The following WFDC8 variants were observed in gnomAD, a reference collection of about 807,000 sequenced individuals.
The protein encoded by WFDC8 is WAP four-disulfide core domain 8.
A neutral mutation model predicts 27.0 loss-of-function variants in WFDC8; 24 were observed. The ratio of observed to expected loss-of-function variants is 0.89; its 90% CI spans 0.64 to 1.25. WFDC8 has a LOEUF of 1.25. WFDC8 is among the 50% of genes most tolerant of loss of function. The pLI is 0.00. For synonymous variants in WFDC8, 106 were observed against 99.7 expected (o/e 1.06, Z -0.38); for missense variants, 287 against 295.9 (o/e 0.97, Z 0.22).
chr20:45,564,969 GAAAGAC>G (rs1346807828), intron 1 of WFDC8, among the ~76,000 whole-genome samples: 1 of 144,010 alleles, frequency 6.9e-6, no homozygotes, highest in Non-Finnish European at 1.5e-5. Flanking sequence ...AGGAAGGAAA[GAAAGAC>G]AAAGAAGGAA....
intron 1 of WFDC8, among the ~76,000 whole-genome samples, chr20:45,570,400 A>C (rs1000431424): frequency 6.6e-6 from 1 of 152,076 alleles, no homozygotes; most frequent in African/African-American, 2.4e-5. Context: ...TACCCCAGTG[A>C]TTATATATAT....
intron 1 of WFDC8, among the ~76,000 whole-genome samples, chr20:45,571,112 A>G (rs535647882): frequency 6.6e-6 from 1 of 152,190 alleles, no homozygotes; most frequent in South Asian, 2.1e-4. Flanking sequence ...TCCATACTTT[A>G]TTGTCCTTAA....
intron 1 of WFDC8, among the ~76,000 whole-genome samples, chr20:45,572,699 C>G (rs1271543987): frequency 1.3e-5 from 2 of 152,136 alleles, no homozygotes; most frequent in African/African-American, 2.4e-5. Context: ...CTTCGCCTCC[C>G]AAGTTCAAGC....
intron 1 of WFDC8, among the ~76,000 whole-genome samples, chr20:45,577,017 A>G (rs1981067988): frequency 6.6e-6 from 1 of 151,388 alleles, no homozygotes; most frequent in South Asian, 2.1e-4. Context: ...CCAAAAATCA[A>G]TACTCATGAT....
At chr20:45,566,121 G>T (rs4812913) in intron 1 of WFDC8, among the ~76,000 whole-genome samples, 1 of 151,652 alleles carries the variant, frequency 6.6e-6, no homozygotes, top group Admixed American at 6.6e-5. Context: ...ATTATTAATC[G>T]TTTGGTAGAT....
intron 1 of WFDC8, among the ~76,000 whole-genome samples, chr20:45,564,542 C>T (rs1349744652): frequency 3.9e-5 from 6 of 151,986 alleles, no homozygotes; most frequent in East Asian, 3.9e-4. Flanking sequence ...GGCGTGGTGG[C>T]GGGTGCCTGT....
chr20:45,562,915 T>C (rs1442399982), intron 1 of WFDC8, among the ~76,000 whole-genome samples: 1 of 152,188 alleles, frequency 6.6e-6, no homozygotes, highest in East Asian at 1.9e-4. Context: ...TTAGAGTGCA[T>C]GCATTTCAAA....
intron 1 of WFDC8, chr20:45,568,146 C>T: frequency 2.9e-6 from 1 of 350,118 alleles, no homozygotes. Flanking sequence ...TTCCACTACC[C>T]AATTTCCAAC....
intron 1 of WFDC8, among the ~76,000 whole-genome samples, chr20:45,566,990 G>T (rs370902831): frequency 2.3e-4 from 35 of 152,236 alleles, no homozygotes; most frequent in African/African-American, 8.2e-4. Context: ...TAAATGCTAT[G>T]CAAGTAGTTG....
intron 1 of WFDC8, chr20:45,568,473 T>C (rs890633313): frequency 1.9e-5 from 6 of 308,926 alleles, no homozygotes; most frequent in African/African-American, 1.1e-4. Flanking sequence ...CTGTTTCATA[T>C]GGCCTTCAGC....
chr20:45,568,280 G>A (rs528645831), intron 1 of WFDC8: 1 of 235,836 alleles, frequency 4.2e-6, no homozygotes, highest in Non-Finnish European at 8.7e-6. Context: ...CATAGCCTAA[G>A]CCTGTCATAG....
chr20:45,555,112 G>T (rs977197914), intron 4 of WFDC8, among the ~76,000 whole-genome samples: 29 of 152,192 alleles, frequency 1.9e-4, no homozygotes, highest in African/African-American at 5.5e-4. Context: ...ACAGAAGAGG[G>T]AACTGAAATT....
chr20:45,555,381 G>C (rs1034132104), intron 4 of WFDC8, among the ~76,000 whole-genome samples: 1 of 152,182 alleles, frequency 6.6e-6, no homozygotes, highest in African/African-American at 2.4e-5. Context: ...AGGTTACTAT[G>C]ATGAGGAAAC....
In WFDC8 at chr20:45,553,277, C is replaced by A; in HGVS notation, c.446-1G>T. On this transcript the variant is annotated splice_acceptor_variant, in intron 4 of 5. Transcript: ENST00000289953. LOFTEE classifies it high-confidence loss of function. ...AAGAGTGGGCATTGTCCATCCTTAACTAAAATAAGAGCAGATGTGAGCTTC... is the reference window on the plus strand; with the variant it reads ...AAGAGTGGGCATTGTCCATCCTTAAATAAAATAAGAGCAGATGTGAGCTTC... 1 of 1,612,404 alleles carries A rather than the reference C, an allele frequency of 6.2e-7. No individual in the cohort carries two copies. Among genetic ancestry groups the A allele is most frequent in the South Asian group, 1.1e-5 (1 of 90,810 alleles).
Position 45,555,795 on chromosome 20 carries a change from A to AT in WFDC8, c.350dup (p.Asn117LysfsTer22), listed in dbSNP as rs775271945. The stretch of plus-strand genomic sequence containing the variant: ...TGTATTTGAAGGGTGTGCAGCGGTA[A>AT]TTTTTAAAGTCAAAATGCCAGCGCT... On this transcript the variant is annotated frameshift_variant, in exon 4 of 6. Coordinates refer to ENST00000289953, the MANE Select transcript of WFDC8 (RefSeq NM_130896.3). LOFTEE classifies it high-confidence loss of function. The AT allele has an allele frequency of 5.0e-6, 8 of 1,613,782 alleles. No homozygotes were observed. In the East Asian group the frequency reaches 1.6e-4, roughly 31 times the overall value.
At position 45,553,151 on chromosome 20, in the gene WFDC8, CACAA is replaced by C; in HGVS notation, c.567_570del (p.Cys190ProfsTer44). ...CAATCCTTACCTGTCCAGGCCCTGG[CACAA>C]ACAAAGCCACACCTGGATTCACAAC... On this transcript the variant is annotated frameshift_variant, in exon 5 of 6. Transcript: ENST00000289953. LOFTEE classifies it low-confidence loss of function (END_TRUNC). 6.2e-7 allele frequency: 1 copy of C among 1,612,958 alleles called. No homozygotes were observed. The highest frequency in any genetic ancestry group is 8.5e-7 in the Non-Finnish European group (1 of 1,179,526).
At chr20:45,571,964 C>G (rs1479901083) in intron 1 of WFDC8, among the ~76,000 whole-genome samples, 1 of 152,144 alleles carries the variant, frequency 6.6e-6, no homozygotes, top group Non-Finnish European at 1.5e-5. Context: ...CTTCAACATA[C>G]TGATTTCATT....
At chr20:45,561,796 C>T (rs1980480915) in intron 2 of WFDC8, among the ~76,000 whole-genome samples, 1 of 151,508 alleles carries the variant, frequency 6.6e-6, no homozygotes, top group Non-Finnish European at 1.5e-5. Flanking sequence ...TGAATGTAAT[C>T]ACCCAAGAAT....
chr20:45,557,929 TA>T (rs1980325133), intron 3 of WFDC8, among the ~76,000 whole-genome samples: 4 of 152,212 alleles, frequency 2.6e-5, no homozygotes, highest in Admixed American at 2.6e-4. Context: ...GTTGGACATT[TA>T]AAAAATCTCC....
Sources: allele counts gnomAD v4.1 joint callset (sites outside exome capture counted in the v4.1 genomes callset), GRCh38; gene constraint gnomAD v4.1.1; transcripts MANE v1.5; gene names NCBI Gene and HGNC (gene_info 2026-07-23, HGNC 2026-07-21).